RAB28: variants seen among roughly 807,000 people sequenced by gnomAD.
RAB28 encodes the protein ras-related protein Rab-28.
Under a neutral mutation model 31.7 loss-of-function variants are expected in RAB28, and 24 were observed. That is an observed-to-expected ratio of 0.76 (90% CI 0.55 to 1.06). RAB28 has a LOEUF of 1.06. Ranked by LOEUF, RAB28 falls within the 50% of genes least tolerant of loss-of-function variation. The probability of loss-of-function intolerance (pLI) is 0.00; values close to 1 mark genes in which losing one functional copy is unlikely to be tolerated. For missense variants in RAB28, 254 were observed against 258.5 expected, an observed-to-expected ratio of 0.98 and a Z score of 0.12; for synonymous variants, 100 against 90.4, an observed-to-expected ratio of 1.11 and a Z score of -0.60.
chr4:13,401,889 A>G (rs1711785778), intron 4 of RAB28, among the ~76,000 whole-genome samples: 1 of 152,220 alleles, frequency 6.6e-6, no homozygotes, highest in Non-Finnish European at 1.5e-5. Context: ...TAGTTTTTCA[A>G]GTATAAGCAT....
At chr4:13,380,513 T>C (rs1729085834) in intron 5 of RAB28, among the ~76,000 whole-genome samples, 1 of 151,574 alleles carries the variant, frequency 6.6e-6, no homozygotes, top group Admixed American at 6.6e-5. Context: ...AATAAAACTT[T>C]TAAAATTTCA....
In RAB28 at chr4:13,460,846, C is replaced by CA. The variant is rs1463087375; in HGVS notation, c.262-19dup. ...AGGACTCCCTGTCACAAAAGAGTTA[C>CA]AAAATATCTGTAATGTATTATTTGG... On this transcript the variant is annotated intron_variant, in intron 3 of 6. Coordinates refer to ENST00000330852, the MANE Select transcript of RAB28 (RefSeq NM_001017979.3). 1.2e-6 allele frequency: 2 copies of CA among 1,603,922 alleles called. No homozygotes were observed. Among genetic ancestry groups the CA allele is most frequent in the Non-Finnish European group, 1.7e-6 (2 of 1,173,706 alleles).
chr4:13,462,303 G>C (rs572670243), intron 3 of RAB28, among the ~76,000 whole-genome samples: 13 of 152,276 alleles, frequency 8.5e-5, no homozygotes, highest in African/African-American at 3.1e-4. Context: ...CCACTGAACA[G>C]AGTTGGGGAG....
chr4:13,451,240 G>A (rs1036626370), intron 4 of RAB28, among the ~76,000 whole-genome samples: 5 of 151,850 alleles, frequency 3.3e-5, no homozygotes, highest in Non-Finnish European at 7.4e-5. Context: ...GGGCTGAGAT[G>A]ATACCTCATT....
chr4:13,484,253 C>T lies in RAB28; in HGVS notation c.-103G>A, dbSNP rs913318661. 2 of 887,626 alleles carry T rather than the reference C, an allele frequency of 2.3e-6. No homozygotes were observed. Among genetic ancestry groups the T allele is most frequent in the African/African-American group, 1.7e-5 (1 of 60,202 alleles). 55.0% of individuals were successfully genotyped at this position (887,626 alleles called of 1,614,324 possible). A position where few individuals can be genotyped will look rare whatever the true frequency, so the allele number is the denominator to read the frequency against. On this transcript the variant is annotated 5_prime_UTR_variant, in exon 1 of 7. Coordinates refer to ENST00000330852, the MANE Select transcript of RAB28 (RefSeq NM_001017979.3). ...AGGAAGGGAGGTAGTTGCGGCAGGA[C>T]CCCCGCCCCGGTGTCTCCGCGCCGG... is the stretch of plus-strand genomic sequence containing the variant.
At chr4:13,459,006 C>T (rs1467764899) in intron 4 of RAB28, among the ~76,000 whole-genome samples, 1 of 152,138 alleles carries the variant, frequency 6.6e-6, no homozygotes, top group Admixed American at 6.5e-5. Context: ...GCAGACTCAC[C>T]CTCAATCTGG....
chr4:13,418,415 A>G (rs1020648033), intron 4 of RAB28, among the ~76,000 whole-genome samples: 1 of 151,990 alleles, frequency 6.6e-6, no homozygotes, highest in Non-Finnish European at 1.5e-5. Context: ...CCACAAAGAC[A>G]CTCCTCAAGA....
rs148100727 is a variant in RAB28 at position 13,442,408 on chromosome 4, T to C, written c.391+18291A>G. Among the ~76,000 whole-genome samples, 425 of 150,930 alleles carry C rather than the reference T, an allele frequency of 2.8e-3. 5 individuals carry two copies. Among genetic ancestry groups the C allele is most frequent in the African/African-American group, 9.1e-3 (374 of 41,190 alleles). ...AACTTGAGATAAAAATTCATGGCAA[T>C]AGCACAAGAGCTTTCACCATTCAGA... is the stretch of plus-strand genomic sequence containing the variant. On this transcript the variant is annotated intron_variant, in intron 4 of 6. Coordinates refer to ENST00000330852, the MANE Select transcript of RAB28 (RefSeq NM_001017979.3).
intron 4 of RAB28, among the ~76,000 whole-genome samples, chr4:13,410,612 TAAAC>T (rs1471643054): frequency 6.6e-6 from 1 of 152,120 alleles, no homozygotes; most frequent in Non-Finnish European, 1.5e-5. Flanking sequence ...TATCAGATCT[TAAAC>T]AATCAAAAAT....
chr4:13,367,871 T>A lies in RAB28; in HGVS notation c.*687A>T, dbSNP rs1251280479. On this transcript the variant is annotated 3_prime_UTR_variant, in exon 7 of 7. Transcript: ENST00000330852. ...AGCATCAGCTGAACATTTATCAGAA[T>A]TCAGAAAGCCTTCAAACCTGAGTAT... is the stretch of plus-strand genomic sequence containing the variant. The A allele has an allele frequency of 1.0e-6, 1 of 985,072 alleles. No homozygotes were observed. The highest frequency in any genetic ancestry group is 1.2e-6 in the Non-Finnish European group (1 of 829,666). The allele number at this position is 985,072 out of a possible 1,614,324, so 61.0% of individuals were successfully genotyped here. A position where few individuals can be genotyped will look rare whatever the true frequency, so the allele number is the denominator to read the frequency against.
rs150768320 is a variant in RAB28, at chr4:13,480,747, C to T, written c.76-1221G>A. 1.5e-4 allele frequency among the ~76,000 whole-genome samples: 23 copies of T among 152,018 alleles called. No homozygotes were observed. In the East Asian group the frequency reaches 4.2e-3, roughly 28 times the overall value. ...TGGCCAAGTATTTGTTGAGCACTAC[C>T]ATATAAAGGGTATTCTGCTAGACAT... On this transcript the variant is annotated intron_variant, in intron 1 of 6. Coordinates refer to ENST00000330852, the MANE Select transcript of RAB28 (RefSeq NM_001017979.3).
chr4:13,375,418 C>T lies in RAB28; in HGVS notation c.573+1127G>A, dbSNP rs926553527. 5.9e-5 allele frequency among the ~76,000 whole-genome samples: 9 copies of T among 152,246 alleles called. No individual in the cohort carries two copies. The South Asian group carries it at 1.0e-3, about 18-fold the overall frequency. ...ATAAATCACTTATGATAATCATAGA[C>T]TCTCTAACTAAGCAGAGACAAACAT... On this transcript the variant is annotated intron_variant, in intron 6 of 6. Transcript: ENST00000330852.
At chr4:13,429,713 C>G (rs959244198) in intron 4 of RAB28, among the ~76,000 whole-genome samples, 4 of 152,146 alleles carry the variant, frequency 2.6e-5, no homozygotes, top group Non-Finnish European at 5.9e-5. Context: ...CCCAACTGAT[C>G]TACAGTTTCA....
At chr4:13,371,790 C>T in intron 6 of RAB28, 2 of 1,546,608 alleles carry the variant, frequency 1.3e-6, no homozygotes, top group Non-Finnish European at 1.7e-6. Flanking sequence ...CTATAAAATA[C>T]CAACCTTTAT....
At chr4:13,370,273 C>G (rs1340287375) in intron 6 of RAB28, 1 of 961,974 alleles carries the variant, frequency 1.0e-6, no homozygotes, top group East Asian at 1.1e-4. Flanking sequence ...TTTGATAACA[C>G]AATTATATAT....
chr4:13,425,956 C>A (rs1157425007), intron 4 of RAB28, among the ~76,000 whole-genome samples: 1 of 152,052 alleles, frequency 6.6e-6, no homozygotes, highest in Non-Finnish European at 1.5e-5. Context: ...CTGCTCAACA[C>A]CTGCTTGTTT....
intron 3 of RAB28, among the ~76,000 whole-genome samples, chr4:13,461,123 A>AT (rs1433991404): frequency 2.0e-5 from 3 of 152,226 alleles, no homozygotes; most frequent in African/African-American, 7.2e-5. Flanking sequence ...TACAGTAAAT[A>AT]TAAGAAAATC....
intron 3 of RAB28, among the ~76,000 whole-genome samples, chr4:13,464,392 T>A (rs1715742216): frequency 6.6e-6 from 1 of 152,086 alleles, no homozygotes. Context: ...GAAAGGGAAG[T>A]TCCCAACTCC....
intron 4 of RAB28, among the ~76,000 whole-genome samples, chr4:13,442,191 T>C (rs1714453643): frequency 6.6e-6 from 1 of 152,206 alleles, no homozygotes; most frequent in African/African-American, 2.4e-5. Context: ...CCACCATATG[T>C]CCACTGTGGA....
Sources: allele counts gnomAD v4.1 joint callset (sites outside exome capture counted in the v4.1 genomes callset), GRCh38; gene constraint gnomAD v4.1.1; transcripts MANE v1.5; gene names NCBI Gene and HGNC (gene_info 2026-07-23, HGNC 2026-07-21).